Variants in GMDS observed in about 807,000 individuals in gnomAD.
GMDS encodes GDP-mannose 4,6 dehydratase.
Under a neutral mutation model 49.9 loss-of-function variants are expected in GMDS, and 20 were observed. That is an observed-to-expected ratio of 0.40 (90% CI 0.28 to 0.58). The LOEUF (loss-of-function observed/expected upper bound fraction) is 0.58, where lower values mean the gene tolerates loss of function less well. Among genes scored for constraint, GMDS ranks in the 20% least tolerant of loss-of-function variants. GMDS has a pLI of 0.42. For synonymous variants in GMDS, 177 were observed against 178.6 expected (o/e 0.99, Z 0.07); for missense variants, 362 against 481.4 (o/e 0.75, Z 2.32).
chr6:2,082,869 C>T (rs2127469572), intron 4 of GMDS, among the ~76,000 whole-genome samples: 1 of 152,332 alleles, frequency 6.6e-6, no homozygotes, highest in Middle Eastern at 3.4e-3. Flanking sequence ...CACTGGATGA[C>T]AAAACCGAAC....
intron 4 of GMDS, among the ~76,000 whole-genome samples, chr6:1,984,676 T>A (rs963215451): frequency 1.3e-5 from 2 of 152,184 alleles, no homozygotes; most frequent in South Asian, 4.1e-4. Flanking sequence ...TCCTCCATGC[T>A]ACCAAAATTA....
intron 1 of GMDS, among the ~76,000 whole-genome samples, chr6:2,232,955 C>A (rs1245636835): frequency 6.6e-6 from 1 of 152,078 alleles, no homozygotes; most frequent in African/African-American, 2.4e-5. Context: ...GAAAAACATA[C>A]AAGACAGAAT....
intron 7 of GMDS, among the ~76,000 whole-genome samples, chr6:1,861,909 C>T (rs1272470986): frequency 6.6e-6 from 1 of 152,174 alleles, no homozygotes; most frequent in Non-Finnish European, 1.5e-5. Context: ...TTATCTGTTG[C>T]ACTGAAAATT....
intron 7 of GMDS, among the ~76,000 whole-genome samples, chr6:1,753,527 A>T (rs1161812853): frequency 6.6e-6 from 1 of 152,236 alleles, no homozygotes; most frequent in Non-Finnish European, 1.5e-5. Context: ...TCAGCTCTGG[A>T]CCAAGCGGAT....
At chr6:1,679,880 T>C (rs1410621032) in intron 9 of GMDS, 1 of 152,184 alleles carries the variant, frequency 6.6e-6, no homozygotes, top group Non-Finnish European at 1.5e-5. Flanking sequence ...CCAAAGTAAA[T>C]GCTCTTGAGA....
intron 4 of GMDS, among the ~76,000 whole-genome samples, chr6:2,112,530 C>T (rs750195029): frequency 5.3e-5 from 8 of 152,122 alleles, no homozygotes; most frequent in African/African-American, 9.7e-5. Context: ...CCTAAAGAAT[C>T]AAGGATTCTG....
At chr6:2,100,149 C>T (rs1337079243) in intron 4 of GMDS, among the ~76,000 whole-genome samples, 1 of 151,978 alleles carries the variant, frequency 6.6e-6, no homozygotes, top group African/African-American at 2.4e-5. Flanking sequence ...CTTAATTTCA[C>T]ATGACAAAGA....
chr6:1,644,999 G>C (rs1037782291), intron 9 of GMDS, among the ~76,000 whole-genome samples: 1 of 149,838 alleles, frequency 6.7e-6, no homozygotes, highest in Non-Finnish European at 1.5e-5. Context: ...GCAGTGGCGT[G>C]ATCCTGGCTC....
At chr6:2,053,784 T>C (rs536951948) in intron 4 of GMDS, among the ~76,000 whole-genome samples, 1 of 152,188 alleles carries the variant, frequency 6.6e-6, no homozygotes, top group Non-Finnish European at 1.5e-5. Context: ...TTTTAAACTA[T>C]AATCAAGAAA....
chr6:2,022,632 A>C (rs1191893104), intron 4 of GMDS, among the ~76,000 whole-genome samples: 3 of 152,148 alleles, frequency 2.0e-5, no homozygotes, highest in African/African-American at 7.2e-5. Flanking sequence ...GCTGCACAAG[A>C]TTTGTTATTA....
chr6:1,677,120 G>A (rs540127195), intron 9 of GMDS, among the ~76,000 whole-genome samples: 8 of 152,250 alleles, frequency 5.3e-5, no homozygotes, highest in Admixed American at 2.0e-4. Context: ...GTGGGCAAAG[G>A]ATACGAACAG....
intron 4 of GMDS, among the ~76,000 whole-genome samples, chr6:1,964,193 T>C (rs1215377917): frequency 6.6e-6 from 1 of 152,256 alleles, no homozygotes; most frequent in South Asian, 2.1e-4. Context: ...ATCAAGTGTC[T>C]GTACTCAAAA....
At chr6:1,809,895 ATATTT>A (rs915079940) in intron 7 of GMDS, among the ~76,000 whole-genome samples, 3 of 152,172 alleles carry the variant, frequency 2.0e-5, no homozygotes, top group African/African-American at 7.2e-5. Flanking sequence ...ACTTTGAAAT[ATATTT>A]TATATTTATA....
intron 7 of GMDS, among the ~76,000 whole-genome samples, chr6:1,780,706 A>G (rs1030119706): frequency 1.3e-5 from 2 of 152,210 alleles, no homozygotes. Flanking sequence ...GCAACGGCTC[A>G]CTGCCACCTC....
intron 9 of GMDS, among the ~76,000 whole-genome samples, chr6:1,710,116 G>C (rs1475138414): frequency 1.3e-5 from 2 of 152,318 alleles, no homozygotes; most frequent in African/African-American, 4.8e-5. Flanking sequence ...CCGTGCTACA[G>C]CTGTACGCTT....
At chr6:2,074,042 T>C (rs1772171952) in intron 4 of GMDS, among the ~76,000 whole-genome samples, 2 of 152,204 alleles carry the variant, frequency 1.3e-5, no homozygotes, top group African/African-American at 4.8e-5. Flanking sequence ...AATAGTAGAA[T>C]TGATGGACAG....
At chr6:1,950,964 C>T (rs1366484291) in intron 6 of GMDS, among the ~76,000 whole-genome samples, 1 of 152,134 alleles carries the variant, frequency 6.6e-6, no homozygotes, top group African/African-American at 2.4e-5. Context: ...CATCCCTGGC[C>T]TCTACCTACC....
intron 4 of GMDS, among the ~76,000 whole-genome samples, chr6:1,985,147 T>C (rs1222740350): frequency 2.0e-5 from 3 of 152,224 alleles, no homozygotes; most frequent in Non-Finnish European, 4.4e-5. Context: ...AAGAGGCACA[T>C]GGCAACAGAC....
intron 7 of GMDS, among the ~76,000 whole-genome samples, chr6:1,914,169 C>G (rs985957047): frequency 9.8e-6 from 1 of 101,700 alleles, no homozygotes; most frequent in Non-Finnish European, 1.8e-5. Context: ...ATTAAGAGAA[C>G]TTTTGGGCTA....
Sources: allele counts gnomAD v4.1 joint callset (sites outside exome capture counted in the v4.1 genomes callset), GRCh38; gene constraint gnomAD v4.1.1; transcripts MANE v1.5; gene names NCBI Gene and HGNC (gene_info 2026-07-23, HGNC 2026-07-21).